DLG2: variants seen among roughly 807,000 people sequenced by gnomAD.
The protein encoded by DLG2 is disks large homolog 2.
In DLG2, 45 loss-of-function variants were observed where a neutral mutation model predicts 132.5. The observed-to-expected ratio is 0.34, with a 90% CI of 0.27 to 0.44. The LOEUF (loss-of-function observed/expected upper bound fraction) is 0.44. Among genes scored for constraint, DLG2 ranks in the 20% least tolerant of loss-of-function variants. The probability of loss-of-function intolerance (pLI) is 1.00; values close to 1 mark genes in which losing one functional copy is unlikely to be tolerated. For synonymous variants in DLG2, 424 were observed against 419.6 expected (o/e 1.01, Z -0.13); for missense variants, 1,045 against 1,196.9 (o/e 0.87, Z 1.87).
chr11:84,302,873 G>A (rs2098171596), intron 7 of DLG2, among the ~76,000 whole-genome samples: 2 of 151,976 alleles, frequency 1.3e-5, no homozygotes, highest in African/African-American at 4.8e-5. Context: ...GATCACTTGA[G>A]GTCAGGAGTT....
At position 84,093,246 on chromosome 11, in the gene DLG2, C is replaced by T. The variant is rs73513792; in HGVS notation, c.749+5677G>A. Among the ~76,000 whole-genome samples the T allele has an allele frequency of 9.9e-3, 1,503 of 152,192 alleles. 20 individuals are homozygous for T. The highest frequency in any genetic ancestry group is 0.034 in the African/African-American group (1,402 of 41,528). The stretch of plus-strand genomic sequence containing the variant: ...CATCTCAAGGTTCAGGGTCTTCTTC[C>T]GAGCTCATGTGGTTGTGTCAGAATT... On this transcript the variant is annotated intron_variant, in intron 10 of 27. Transcript: ENST00000376104.
intron 6 of DLG2, among the ~76,000 whole-genome samples, chr11:84,618,471 A>C (rs2099608373): frequency 6.6e-6 from 1 of 152,092 alleles, no homozygotes; most frequent in Admixed American, 6.6e-5. Context: ...AAGCAAGACC[A>C]AACCAAATGA....
At chr11:84,566,522 A>T (rs947700037) in intron 6 of DLG2, among the ~76,000 whole-genome samples, 2 of 152,148 alleles carry the variant, frequency 1.3e-5, no homozygotes, top group Non-Finnish European at 2.9e-5. Flanking sequence ...TGTTTGTCTA[A>T]CTGTATGGGC....
chr11:84,160,827 C>T (rs2095530818), intron 9 of DLG2, among the ~76,000 whole-genome samples: 1 of 152,140 alleles, frequency 6.6e-6, no homozygotes, highest in African/African-American at 2.4e-5. Context: ...GGAGAATATA[C>T]TAGTAGACCT....
intron 8 of DLG2, among the ~76,000 whole-genome samples, chr11:84,210,885 A>G (rs991817206): frequency 1.3e-5 from 2 of 152,158 alleles, no homozygotes; most frequent in Admixed American, 6.5e-5. Context: ...TGATGTCAGT[A>G]CTCTATATCT....
At chr11:84,901,975 T>C (rs76789724) in intron 6 of DLG2, among the ~76,000 whole-genome samples, 1,897 of 152,222 alleles carry the variant, frequency 0.012, 51 homozygotes, top group African/African-American at 0.043. Context: ...GAGATAAACA[T>C]ATAGGTTATA....
At chr11:83,514,663 A>C (rs369811219) in intron 21 of DLG2, among the ~76,000 whole-genome samples, 1 of 152,016 alleles carries the variant, frequency 6.6e-6, no homozygotes, top group African/African-American at 2.4e-5. Context: ...ATTGGCTGTG[A>C]GTTTGTCATA....
chr11:85,172,145 T>G (rs570834682), intron 4 of DLG2, among the ~76,000 whole-genome samples: 1 of 152,300 alleles, frequency 6.6e-6, no homozygotes, highest in South Asian at 2.1e-4. Context: ...AATCCCTTCC[T>G]CCGGACTGGG....
chr11:83,598,378 T>G (rs1273816678), intron 19 of DLG2, among the ~76,000 whole-genome samples: 4 of 152,244 alleles, frequency 2.6e-5, no homozygotes, highest in Admixed American at 1.3e-4. Context: ...ATTTCAGTTT[T>G]ACAATATTTA....
intron 8 of DLG2, among the ~76,000 whole-genome samples, chr11:84,215,899 G>C (rs1457795198): frequency 2.6e-5 from 4 of 152,178 alleles, no homozygotes; most frequent in African/African-American, 9.7e-5. Context: ...ACTGCTTAAT[G>C]AATTCCAGAA....
chr11:85,029,435 G>A (rs2060826877), intron 6 of DLG2, among the ~76,000 whole-genome samples: 1 of 152,172 alleles, frequency 6.6e-6, no homozygotes, highest in Non-Finnish European at 1.5e-5. Flanking sequence ...AACCCCTAAG[G>A]TGTTATCTGG....
chr11:84,478,762 A>G (rs2099128748), intron 7 of DLG2, among the ~76,000 whole-genome samples: 1 of 152,072 alleles, frequency 6.6e-6, no homozygotes, highest in Non-Finnish European at 1.5e-5. Context: ...TTTTCAACAC[A>G]AAGTGTCAAA....
intron 11 of DLG2, among the ~76,000 whole-genome samples, chr11:84,026,971 T>C (rs2095551638): frequency 6.6e-6 from 1 of 152,082 alleles, no homozygotes; most frequent in African/African-American, 2.4e-5. Context: ...TATTATTATA[T>C]TTTTTAGGCC....
intron 4 of DLG2, among the ~76,000 whole-genome samples, chr11:85,279,008 G>A (rs2078068293): frequency 6.6e-6 from 1 of 152,168 alleles, no homozygotes; most frequent in African/African-American, 2.4e-5. Flanking sequence ...ATATATGTGA[G>A]AGACTGTTAT....
intron 19 of DLG2, among the ~76,000 whole-genome samples, chr11:83,544,800 C>T (rs932216240): frequency 6.6e-6 from 1 of 152,160 alleles, no homozygotes; most frequent in Non-Finnish European, 1.5e-5. Context: ...GTCACACATA[C>T]ACATGTGGTG....
At chr11:84,859,057 T>C (rs2083195111) in intron 6 of DLG2, among the ~76,000 whole-genome samples, 1 of 152,034 alleles carries the variant, frequency 6.6e-6, no homozygotes, top group African/African-American at 2.4e-5. Flanking sequence ...GTCTACGAAA[T>C]GAGTTAATAC....
chr11:83,872,336 C>T (rs984938565), intron 16 of DLG2, among the ~76,000 whole-genome samples: 6 of 152,192 alleles, frequency 3.9e-5, no homozygotes, highest in Admixed American at 2.0e-4. Flanking sequence ...AGGTGAAGGT[C>T]GCTGATCAAC....
chr11:85,027,995 C>T (rs147116290), intron 6 of DLG2, among the ~76,000 whole-genome samples: 20 of 152,278 alleles, frequency 1.3e-4, no homozygotes, highest in Admixed American at 2.0e-4. Flanking sequence ...GAATGAGGTA[C>T]ATGGATAATT....
intron 16 of DLG2, among the ~76,000 whole-genome samples, chr11:83,852,042 G>A (rs568829233): frequency 2.0e-5 from 3 of 152,286 alleles, no homozygotes; most frequent in South Asian, 4.1e-4. Flanking sequence ...CGAGGTTGCT[G>A]GTAAAACTCC....
Sources: gnomAD v4.1 joint callset for allele counts (sites outside exome capture counted in the v4.1 genomes callset) on GRCh38, gnomAD v4.1.1 for gene constraint, MANE v1.5 for transcripts, NCBI Gene and HGNC (gene_info 2026-07-23, HGNC 2026-07-21) for gene names.